Variants in DAB1 observed in about 807,000 individuals in gnomAD.
DAB1 encodes the protein DAB adaptor protein 1.
A neutral mutation model predicts 64.6 loss-of-function variants in DAB1; 15 were observed. The ratio of observed to expected loss-of-function variants is 0.23; its 90% confidence interval spans 0.16 to 0.36. DAB1 has a LOEUF of 0.36. Ranked by LOEUF, DAB1 falls within the 10% of genes least tolerant of loss-of-function variation. The probability of loss-of-function intolerance (pLI) is 1.00; values close to 1 mark genes in which losing one functional copy is unlikely to be tolerated. For missense variants in DAB1, 596 were observed against 706.7 expected (o/e 0.84, Z 1.78); for synonymous variants, 235 against 251.9 (o/e 0.93, Z 0.64).
Position 57,420,234 on chromosome 1 carries a change from AC to A in DAB1, c.-137+3695del, listed in dbSNP as rs140994243. 3.1e-3 allele frequency among the ~76,000 whole-genome samples: 469 copies of A among 152,168 alleles called. 3 individuals carry two copies. The highest frequency in any genetic ancestry group is 5.4e-3 in the Non-Finnish European group (370 of 68,020). On this transcript the variant is annotated intron_variant, in intron 1 of 14. Coordinates refer to ENST00000371236, the MANE Select transcript of DAB1 (RefSeq NM_001365792.1). Reference sequence around the variant, plus strand: ...TTCATTATTCTCCATTAAATTTTACACCCTGGGAGCTAGCTGGGATCACTTC... The same window carrying A: ...TTCATTATTCTCCATTAAATTTTACACCTGGGAGCTAGCTGGGATCACTTC...
At chr1:57,276,575 A>G (rs1386264486) in intron 2 of DAB1, among the ~76,000 whole-genome samples, 1 of 152,202 alleles carries the variant, frequency 6.6e-6, no homozygotes, top group African/African-American at 2.4e-5. Flanking sequence ...GGCAGGAACA[A>G]GTTATTGTCC....
chr1:57,650,902 GC>G (rs1646248752), intron 6 of DAB1, among the ~76,000 whole-genome samples: 1 of 152,056 alleles, frequency 6.6e-6, no homozygotes, highest in African/African-American at 2.4e-5. Flanking sequence ...ATTAAACTTT[GC>G]TTCCCCTGAA....
At chr1:57,218,288 C>A (rs1666577330) in intron 2 of DAB1, among the ~76,000 whole-genome samples, 1 of 152,112 alleles carries the variant, frequency 6.6e-6, no homozygotes, top group Non-Finnish European at 1.5e-5. Context: ...AGTATACTGG[C>A]CTCTCAAAAT....
rs116458629 is a variant in DAB1, at chr1:57,311,746, T to C, written c.-136-20580A>G. Among the ~76,000 whole-genome samples, 1,071 of 152,330 alleles carry C rather than the reference T, an allele frequency of 7.0e-3. 14 individuals are homozygous for C. Among genetic ancestry groups the C allele is most frequent in the African/African-American group, 0.024 (1,010 of 41,564 alleles). ...ACAATCTATATCCAGGCAAAGGTCA[T>C]CAGTGGACACCTTAACTCAAACCAA... On this transcript the variant is annotated intron_variant, in intron 1 of 14. Coordinates refer to ENST00000371236, the MANE Select transcript of DAB1 (RefSeq NM_001365792.1).
chr1:57,020,307 C>T (rs1184676146), intron 11 of DAB1, among the ~76,000 whole-genome samples: 5 of 152,214 alleles, frequency 3.3e-5, no homozygotes, highest in Admixed American at 2.0e-4. Flanking sequence ...TAGCAAACAT[C>T]TGTTGAGTGC....
chr1:57,560,360 G>C (rs1219990577), intron 7 of DAB1, among the ~76,000 whole-genome samples: 1 of 152,224 alleles, frequency 6.6e-6, no homozygotes, highest in Admixed American at 6.5e-5. Flanking sequence ...TGGACTTATT[G>C]GTGAGACATT....
At chr1:58,237,158 G>C (rs1256358304) in intron 4 of DAB1, among the ~76,000 whole-genome samples, 1 of 152,200 alleles carries the variant, frequency 6.6e-6, no homozygotes, top group Non-Finnish European at 1.5e-5. Flanking sequence ...AACAGGCACA[G>C]AAGGAGGGAA....
In DAB1 at chr1:58,345,733, G is replaced by C. The variant is rs1569666190; in HGVS notation, n.258-2330C>G. 3.3e-5 allele frequency among the ~76,000 whole-genome samples: 5 copies of C among 152,086 alleles called. No individual in the cohort carries two copies. The South Asian group carries it at 1.0e-3, about 32-fold the overall frequency. ...TCTCCTGAGCTTCCCTCGTGCCTAAGAGGACCTCTGGCCTCTGCTTCCTCA... is the reference window on the plus strand; with the variant it reads ...TCTCCTGAGCTTCCCTCGTGCCTAACAGGACCTCTGGCCTCTGCTTCCTCA... On this transcript the variant is annotated intron_variant and non_coding_transcript_variant, in intron 3 of 20. Coordinates refer to the DAB1 transcript ENST00000485760.
chr1:57,029,410 T>A lies in DAB1; in HGVS notation c.724-3367A>T, dbSNP rs561633920. Among the ~76,000 whole-genome samples, 39 of 152,142 alleles carry A rather than the reference T, an allele frequency of 2.6e-4. No homozygotes were observed. The East Asian group carries it at 6.6e-3, about 26-fold the overall frequency. ...CTGCTAGGGCAGTGTGGAAGGGAAA[T>A]GTGTGGTCAGAGCCTCCATACAGAG... On this transcript the variant is annotated intron_variant, in intron 9 of 14. Coordinates refer to ENST00000371236, the MANE Select transcript of DAB1 (RefSeq NM_001365792.1).
chr1:58,209,705 T>C (rs1330949497), intron 4 of DAB1, among the ~76,000 whole-genome samples: 2 of 152,216 alleles, frequency 1.3e-5, no homozygotes, highest in Non-Finnish European at 2.9e-5. Flanking sequence ...ATATTGAGTG[T>C]ATTTTTCTAA....
downstream of DAB1, among the ~76,000 whole-genome samples, chr1:57,822,927 T>C (rs764886865): frequency 1.3e-5 from 2 of 151,338 alleles, no homozygotes; most frequent in South Asian, 2.1e-4. Context: ...AGGCTCCCAA[T>C]AGAAAAGAAA....
chr1:57,522,123 C>T (rs183049284), intron 7 of DAB1, among the ~76,000 whole-genome samples: 1 of 151,820 alleles, frequency 6.6e-6, no homozygotes, highest in East Asian at 1.9e-4. Flanking sequence ...AAAAAAAGAG[C>T]CCATTAACCC....
chr1:58,293,787 G>T (rs1028170918), intron 4 of DAB1, among the ~76,000 whole-genome samples: 14 of 152,178 alleles, frequency 9.2e-5, no homozygotes, highest in Non-Finnish European at 1.5e-4. Flanking sequence ...TTCCAAAGTG[G>T]TCAGTCTTAG....
rs191153320 is a variant in DAB1, at chr1:58,111,735, C to T, written n.387+38776G>A. On this transcript the variant is annotated intron_variant and non_coding_transcript_variant, in intron 5 of 20. Transcript: ENST00000485760. ...TCCTAGATCTATCCACTTGTCTCCA[C>T]TTCCTCTGTGGCTGCCCTAATACAA... is the stretch of plus-strand genomic sequence containing the variant. Among the ~76,000 whole-genome samples, 19 of 152,288 alleles carry T rather than the reference C, an allele frequency of 1.2e-4. No individual in the cohort carries two copies. The East Asian group carries it at 2.3e-3, about 19-fold the overall frequency.
intron 14 of DAB1, among the ~76,000 whole-genome samples, chr1:57,000,177 G>A (rs935061871): frequency 1.3e-5 from 2 of 151,544 alleles, no homozygotes; most frequent in Non-Finnish European, 2.9e-5. Context: ...CCGTGTAGCT[G>A]GGACTACAGG....
At chr1:57,900,391 C>CT (rs1644456400) in intron 5 of DAB1, among the ~76,000 whole-genome samples, 1 of 152,158 alleles carries the variant, frequency 6.6e-6, no homozygotes, top group South Asian at 2.1e-4. Context: ...TGCCTGACCA[C>CT]TTTGGGGAAA....
intron 7 of DAB1, among the ~76,000 whole-genome samples, chr1:57,443,383 T>A (rs1447339101): frequency 6.6e-6 from 1 of 152,246 alleles, no homozygotes; most frequent in Non-Finnish European, 1.5e-5. Context: ...CACATTCATG[T>A]GCCATGTCTC....
At chr1:57,344,464 A>G (rs1378951655) in intron 1 of DAB1, among the ~76,000 whole-genome samples, 1 of 152,064 alleles carries the variant, frequency 6.6e-6, no homozygotes, top group East Asian at 1.9e-4. Context: ...AAAAACTTTC[A>G]CACTTGGTTT....
At chr1:57,049,775 T>C (rs1022376216) in intron 9 of DAB1, among the ~76,000 whole-genome samples, 27 of 152,208 alleles carry the variant, frequency 1.8e-4, no homozygotes, top group African/African-American at 5.8e-4. Context: ...AGGAGGCTGA[T>C]TGCCATAAAC....
Sources: allele counts gnomAD v4.1 joint callset (sites outside exome capture counted in the v4.1 genomes callset), GRCh38; gene constraint gnomAD v4.1.1; transcripts MANE v1.5; gene names NCBI Gene and HGNC (gene_info 2026-07-23, HGNC 2026-07-21).